Variants in AUTS2 observed in about 807,000 individuals in gnomAD.
The protein encoded by AUTS2 is activator of transcription and developmental regulator AUTS2, also known as autism susceptibility gene 2 protein.
AUTS2 carries 17 observed loss-of-function variants against 112.4 expected under a neutral mutation model. That is an observed-to-expected ratio of 0.15 (90% confidence interval 0.10 to 0.23). AUTS2 has a LOEUF of 0.23. Ranked by LOEUF, AUTS2 falls within the 10% of genes least tolerant of loss-of-function variation. The pLI is 1.00. For missense variants in AUTS2, 1,510 were observed against 1,701.6 expected (o/e 0.89, Z 1.98); for synonymous variants, 751 against 702.7 (o/e 1.07, Z -1.09).
At chr7:69,640,299 C>A (rs1794745775) in intron 1 of AUTS2, among the ~76,000 whole-genome samples, 1 of 152,212 alleles carries the variant, frequency 6.6e-6, no homozygotes, top group African/African-American at 2.4e-5. Flanking sequence ...AGAAAGACTT[C>A]TTGATCTCCC....
intron 4 of AUTS2, among the ~76,000 whole-genome samples, chr7:70,412,281 G>A (rs1794811826): frequency 6.6e-6 from 1 of 151,998 alleles, no homozygotes; most frequent in African/African-American, 2.4e-5. Flanking sequence ...GAATACCTGG[G>A]AGCAGACCAG....
At chr7:69,692,032 G>A (rs1216430040) in intron 1 of AUTS2, among the ~76,000 whole-genome samples, 4 of 152,132 alleles carry the variant, frequency 2.6e-5, no homozygotes, top group Non-Finnish European at 4.4e-5. Context: ...GCACCTTAGA[G>A]CTTGAAGCTG....
intron 2 of AUTS2, among the ~76,000 whole-genome samples, chr7:69,921,505 C>T (rs1348802364): frequency 2.6e-5 from 4 of 151,896 alleles, no homozygotes; most frequent in Middle Eastern, 3.4e-3. Context: ...TGGTGGCTCA[C>T]GCCTGTAATT....
intron 5 of AUTS2, among the ~76,000 whole-genome samples, chr7:70,687,032 A>T (rs963054480): frequency 1.3e-5 from 2 of 152,054 alleles, no homozygotes; most frequent in Non-Finnish European, 2.9e-5. Flanking sequence ...ATACATTTTC[A>T]TTTTAATTAC....
At chr7:70,709,817 T>C (rs1809951832) in intron 6 of AUTS2, among the ~76,000 whole-genome samples, 1 of 152,182 alleles carries the variant, frequency 6.6e-6, no homozygotes, top group Admixed American at 6.5e-5. Context: ...ACACTTAGCA[T>C]TCAAAAGCAG....
intron 1 of AUTS2, among the ~76,000 whole-genome samples, chr7:69,710,886 G>C (rs913146255): frequency 2.0e-5 from 3 of 152,158 alleles, no homozygotes; most frequent in African/African-American, 4.8e-5. Flanking sequence ...CACCATCTCA[G>C]AGACAGATTT....
intron 4 of AUTS2, among the ~76,000 whole-genome samples, chr7:70,303,581 G>A (rs901053664): frequency 1.1e-4 from 17 of 152,188 alleles, no homozygotes; most frequent in South Asian, 2.1e-4. Flanking sequence ...GTAATCAGAG[G>A]AAAGACAGAG....
intron 5 of AUTS2, among the ~76,000 whole-genome samples, chr7:70,506,270 G>A (rs542356592): frequency 5.9e-5 from 9 of 152,344 alleles, no homozygotes; most frequent in Non-Finnish European, 8.8e-5. Flanking sequence ...AGCCCGAACA[G>A]CAGTAGCGAG....
At chr7:70,576,064 G>A (rs1357937191) in intron 5 of AUTS2, among the ~76,000 whole-genome samples, 2 of 152,124 alleles carry the variant, frequency 1.3e-5, no homozygotes, top group Non-Finnish European at 2.9e-5. Flanking sequence ...GAGAAGTTGT[G>A]TCTTGGAATC....
chr7:69,911,192 G>A (rs1795341256), intron 2 of AUTS2, among the ~76,000 whole-genome samples: 1 of 152,230 alleles, frequency 6.6e-6, no homozygotes, highest in African/African-American at 2.4e-5. Flanking sequence ...ACCAGAACAG[G>A]TGCTGGCTCC....
intron 5 of AUTS2, among the ~76,000 whole-genome samples, chr7:70,533,595 C>T (rs535216494): frequency 2.0e-5 from 3 of 152,324 alleles, no homozygotes; most frequent in South Asian, 2.1e-4. Flanking sequence ...CATTGTAGCT[C>T]TATGCTGGAA....
chr7:70,784,664 T>A, intron 15 of AUTS2: 1 of 468,362 alleles, frequency 2.1e-6, no homozygotes, highest in South Asian at 2.6e-5. Flanking sequence ...GTCATCGGCT[T>A]AAAAAAGAAA....
At chr7:69,636,820 C>T (rs1165786060) in intron 1 of AUTS2, among the ~76,000 whole-genome samples, 1 of 151,698 alleles carries the variant, frequency 6.6e-6, no homozygotes, top group East Asian at 1.9e-4. Context: ...GGCTGGAGTA[C>T]AGTGGCGCGA....
At chr7:70,319,898 AAATGAATG>A (rs371912639) in intron 4 of AUTS2, among the ~76,000 whole-genome samples, 1 of 152,216 alleles carries the variant, frequency 6.6e-6, no homozygotes, top group Non-Finnish European at 1.5e-5. Flanking sequence ...AAGAATACGT[AAATGAATG>A]AATGAATGAG....
intron 2 of AUTS2, among the ~76,000 whole-genome samples, chr7:69,968,617 G>A (rs1258822770): frequency 6.6e-6 from 1 of 152,132 alleles, no homozygotes; most frequent in Non-Finnish European, 1.5e-5. Context: ...CCTAACGTGT[G>A]CCTCCCTTTT....
intron 4 of AUTS2, among the ~76,000 whole-genome samples, chr7:70,399,248 T>C (rs1585100178): frequency 6.6e-6 from 1 of 152,138 alleles, no homozygotes. Flanking sequence ...CCTTAGCTTC[T>C]CAAAGTGCTG....
chr7:69,853,845 T>A (rs1479871031), intron 1 of AUTS2, among the ~76,000 whole-genome samples: 1 of 152,126 alleles, frequency 6.6e-6, no homozygotes, highest in Non-Finnish European at 1.5e-5. Context: ...TTAAAAAAAA[T>A]TATTGATACA....
intron 1 of AUTS2, among the ~76,000 whole-genome samples, chr7:69,608,866 C>T (rs1792872944): frequency 6.6e-6 from 1 of 152,154 alleles, no homozygotes; most frequent in African/African-American, 2.4e-5. Flanking sequence ...TCTGCTCCCT[C>T]ATTTGTTACG....
intron 1 of AUTS2, among the ~76,000 whole-genome samples, chr7:69,857,593 A>C (rs1465992655): frequency 1.3e-5 from 2 of 152,154 alleles, no homozygotes; most frequent in Non-Finnish European, 1.5e-5. Context: ...CGTCTTAGAG[A>C]TATAGATGGT....
Sources: allele counts gnomAD v4.1 joint callset (sites outside exome capture counted in the v4.1 genomes callset), GRCh38; gene constraint gnomAD v4.1.1; transcripts MANE v1.5; gene names NCBI Gene and HGNC (gene_info 2026-07-23, HGNC 2026-07-21).